RNF214: variants seen among roughly 807,000 people sequenced by gnomAD.
The protein encoded by RNF214 is ring finger protein 214.
In RNF214, 25 loss-of-function variants were observed where a neutral mutation model predicts 75.9. The observed-to-expected ratio is 0.33, with a 90% CI of 0.24 to 0.46. The LOEUF (loss-of-function observed/expected upper bound fraction) is 0.46, where lower values mean the gene tolerates loss of function less well. Among genes scored for constraint, RNF214 ranks in the 20% least tolerant of loss-of-function variants. The pLI is 1.00. For missense variants in RNF214, 725 were observed against 857.5 expected (o/e 0.85, Z 1.93); for synonymous variants, 314 against 308.8 (o/e 1.02, Z -0.18).
chr11:117,283,648 C>T (rs778238919), intron 14 of RNF214, among the ~76,000 whole-genome samples: 25 of 151,222 alleles, frequency 1.7e-4, no homozygotes, highest in Admixed American at 2.6e-4. Context: ...CGTGAGCCAC[C>T]GTGCCCAGCC....
intron 6 of RNF214, among the ~76,000 whole-genome samples, chr11:117,258,776 C>T (rs530004671): frequency 6.6e-6 from 1 of 152,222 alleles, no homozygotes; most frequent in South Asian, 2.1e-4. Context: ...TCCCTGCCCC[C>T]ACTCTCCCCA....
intron 6 of RNF214, among the ~76,000 whole-genome samples, chr11:117,268,762 T>A (rs1297299666): frequency 6.6e-6 from 1 of 152,228 alleles, no homozygotes; most frequent in Non-Finnish European, 1.5e-5. Context: ...ATAGAATCTG[T>A]AGATCAGTTT....
chr11:117,235,968 GT>G (rs996576748), intron 2 of RNF214, among the ~76,000 whole-genome samples: 7 of 147,430 alleles, frequency 4.7e-5, no homozygotes, highest in East Asian at 4.0e-4. Flanking sequence ...CCTCAACTCT[GT>G]TTTTTTTTTG....
chr11:117,246,428 C>T (rs1228634284), intron 5 of RNF214, among the ~76,000 whole-genome samples: 7 of 152,074 alleles, frequency 4.6e-5, no homozygotes. Context: ...TGAAACAAGA[C>T]AATATTTGTT....
intron 8 of RNF214, 70 bp from the exon 9 acceptor site, chr11:117,281,244 T>C (rs753857316): frequency 2.5e-4 from 273 of 1,076,504 alleles, no homozygotes; most frequent in Non-Finnish European, 3.4e-4. Flanking sequence ...GTGCTGGGAT[T>C]ACAGGCGTGA....
chr11:117,261,515 G>C (rs891476356), intron 6 of RNF214, among the ~76,000 whole-genome samples: 8 of 152,298 alleles, frequency 5.3e-5, no homozygotes, highest in Admixed American at 2.0e-4. Flanking sequence ...GGAAGGCGAA[G>C]GTTGCAGTGA....
intron 14 of RNF214, among the ~76,000 whole-genome samples, chr11:117,284,278 G>A (rs923109326): frequency 1.3e-5 from 2 of 152,208 alleles, no homozygotes; most frequent in African/African-American, 4.8e-5. Flanking sequence ...TATCTTCACA[G>A]ACTGACAAGT....
intron 6 of RNF214, among the ~76,000 whole-genome samples, chr11:117,265,231 A>G (rs2033769919): frequency 6.6e-6 from 1 of 152,154 alleles, no homozygotes; most frequent in African/African-American, 2.4e-5. Context: ...TTAGAATTCC[A>G]TTTTAATTTG....
At chr11:117,236,998 ACT>A (rs1591815820) in intron 2 of RNF214, among the ~76,000 whole-genome samples, 1 of 152,066 alleles carries the variant, frequency 6.6e-6, no homozygotes, top group Non-Finnish European at 1.5e-5. Flanking sequence ...CAGGATTCAA[ACT>A]CAGGTACTGT....
rs752703242 is a variant in RNF214 at position 117,244,524 on chromosome 11, A to G, written c.758A>G (p.Gln253Arg). The G allele has an allele frequency of 4.1e-5, 66 of 1,612,676 alleles. No individual in the cohort carries two copies. The highest frequency in any genetic ancestry group is 2.0e-4 in the East Asian group (9 of 44,844). ...VLDKQRQVEN[Q>R]LQVQLKQLQQ... is the part of the protein sequence containing the mutation. The stretch of plus-strand genomic sequence containing the variant: ...GACAAACAGAGGCAAGTGGAGAATC[A>G]GCTCCAAGTGCAATTAAAGCAGCTT... The change falls in exon 5 of 15, where the codon CAG becomes CGG. Residue 253 changes from glutamine (Q) to arginine (R), a missense_variant. Gln to Arg is a conservative substitution (Grantham distance 43). Coordinates refer to ENST00000300650, the MANE Select transcript of RNF214 (RefSeq NM_207343.4).
rs779695766 is a variant in RNF214, at chr11:117,279,992, C to G, written c.1044C>G (p.Ala348=). 3 of 1,612,356 alleles carry G rather than the reference C, an allele frequency of 1.9e-6. No homozygotes were observed. Among genetic ancestry groups the G allele is most frequent in the Non-Finnish European group, 8.5e-7 (1 of 1,178,990 alleles). The change falls in exon 7 of 15, where the codon GCC becomes GCG. Residue 348 remains alanine, a synonymous_variant. Coordinates refer to ENST00000300650, the MANE Select transcript of RNF214 (RefSeq NM_207343.4). The part of the protein sequence containing the change: ...NRNIMEETER[A]WKAEILSLES... The stretch of plus-strand genomic sequence containing the variant: ...ACATTATGGAAGAGACTGAACGGGC[C>G]TGGAAGGCAGAGGTGAGAAGAGGAG...
At chr11:117,251,973 A>T (rs959370657) in intron 6 of RNF214, among the ~76,000 whole-genome samples, 5 of 152,138 alleles carry the variant, frequency 3.3e-5, no homozygotes, top group African/African-American at 9.7e-5. Context: ...TGTTCAAGTG[A>T]TTCTCCTGCC....
chr11:117,261,950 G>T (rs933604441), intron 6 of RNF214, among the ~76,000 whole-genome samples: 3 of 151,278 alleles, frequency 2.0e-5, no homozygotes, highest in African/African-American at 7.3e-5. Flanking sequence ...CTGGCCCATT[G>T]ATTTATTTTT....
chr11:117,235,257 C>A (rs552038187), intron 2 of RNF214, among the ~76,000 whole-genome samples: 1 of 151,992 alleles, frequency 6.6e-6, no homozygotes, highest in Non-Finnish European at 1.5e-5. Context: ...AGTGCAGTGG[C>A]GCGATCTCGG....
chr11:117,234,114 CT>C (rs2032830302), intron 1 of RNF214, 152 bp from the exon 2 acceptor site: 1 of 619,960 alleles, frequency 1.6e-6, no homozygotes, highest in Non-Finnish European at 2.9e-6. Flanking sequence ...TACAATGTCT[CT>C]TTTAGTACTC....
intron 6 of RNF214, among the ~76,000 whole-genome samples, chr11:117,275,312 C>G (rs1009269833): frequency 6.6e-6 from 1 of 151,920 alleles, no homozygotes; most frequent in African/African-American, 2.4e-5. Flanking sequence ...AGACAGGTCA[C>G]AAATTGACAG....
intron 2 of RNF214, among the ~76,000 whole-genome samples, chr11:117,235,495 C>CTTT (rs764468370): frequency 1.6e-4 from 19 of 120,628 alleles, no homozygotes; most frequent in South Asian, 2.8e-4. Context: ...CACGCCCAGC[C>CTTT]TTTTTTTTTT....
At chr11:117,275,573 C>T (rs564067629) in intron 6 of RNF214, among the ~76,000 whole-genome samples, 29 of 152,158 alleles carry the variant, frequency 1.9e-4, no homozygotes, top group African/African-American at 6.5e-4. Context: ...ACTGATACCA[C>T]GGAAATAGAA....
At chr11:117,233,969 G>T (rs946986431) in intron 1 of RNF214, among the ~76,000 whole-genome samples, 6 of 152,214 alleles carry the variant, frequency 3.9e-5, no homozygotes, top group African/African-American at 1.4e-4. Context: ...GATCCTGGCA[G>T]ACTAAGATGT....
Sources: gnomAD v4.1 joint callset for allele counts (sites outside exome capture counted in the v4.1 genomes callset) on GRCh38, gnomAD v4.1.1 for gene constraint, MANE v1.5 for transcripts, NCBI Gene and HGNC (gene_info 2026-07-23, HGNC 2026-07-21) for gene names.